CNOT6L: variants seen among roughly 807,000 people sequenced by gnomAD.
CNOT6L encodes CCR4-NOT transcription complex subunit 6-like.
In CNOT6L, 7 loss-of-function variants were observed where a neutral mutation model predicts 64.0. That is an observed-to-expected ratio of 0.11 (90% CI 0.06 to 0.21). The LOEUF is 0.21. Among genes scored for constraint, CNOT6L ranks in the 10% least tolerant of loss-of-function variants. CNOT6L has a pLI of 1.00. For missense variants in CNOT6L, 245 were observed against 669.0 expected, an observed-to-expected ratio of 0.37 and a Z score of 6.99; for synonymous variants, 193 against 243.4, an observed-to-expected ratio of 0.79 and a Z score of 1.93.
intron 6 of CNOT6L, among the ~76,000 whole-genome samples, chr4:77,746,980 A>G (rs1007104679): frequency 6.6e-6 from 1 of 151,892 alleles, no homozygotes; most frequent in Non-Finnish European, 1.5e-5. Flanking sequence ...AATATTTTGT[A>G]GTGTTATTAA....
chr4:77,795,146 A>G (rs1730688007), intron 1 of CNOT6L, among the ~76,000 whole-genome samples: 1 of 150,270 alleles, frequency 6.7e-6, no homozygotes, highest in African/African-American at 2.5e-5. Flanking sequence ...CAGCCTCCTG[A>G]GTAGCTGAGA....
chr4:77,763,580 A>G (rs1726483111), intron 4 of CNOT6L, among the ~76,000 whole-genome samples: 1 of 152,176 alleles, frequency 6.6e-6, no homozygotes, highest in Admixed American at 6.5e-5. Flanking sequence ...TAACAAAAAT[A>G]CAGAAAAAGC....
chr4:77,753,309 C>T (rs1461927760), intron 5 of CNOT6L, among the ~76,000 whole-genome samples: 1 of 151,508 alleles, frequency 6.6e-6, no homozygotes, highest in African/African-American at 2.4e-5. Context: ...ACTTTAATAT[C>T]ACAACTTGAC....
chr4:77,791,416 T>TA (rs572851261), intron 1 of CNOT6L, among the ~76,000 whole-genome samples: 47 of 147,646 alleles, frequency 3.2e-4, no homozygotes, highest in Admixed American at 1.1e-3. Flanking sequence ...TGTGTACGGT[T>TA]AAAAAAAAAA....
At chr4:77,819,782 G>C (rs1265191475), upstream of CNOT6L, among the ~76,000 whole-genome samples, 2 of 150,618 alleles carry the variant, frequency 1.3e-5, no homozygotes, top group Non-Finnish European at 3.0e-5. Flanking sequence ...GGCCGGGCCG[G>C]GCCGCCTGAC....
intron 9 of CNOT6L, among the ~76,000 whole-genome samples, chr4:77,730,145 GT>G (rs1722283946): frequency 1.3e-5 from 2 of 152,096 alleles, no homozygotes; most frequent in South Asian, 4.1e-4. Flanking sequence ...AATTTTCTAA[GT>G]CTACTAGTTT....
At chr4:77,730,011 T>C (rs1295369470) in intron 9 of CNOT6L, among the ~76,000 whole-genome samples, 1 of 152,124 alleles carries the variant, frequency 6.6e-6, no homozygotes, top group Non-Finnish European at 1.5e-5. Flanking sequence ...TCTCACTTTT[T>C]ACTTTACATA....
intron 8 of CNOT6L, among the ~76,000 whole-genome samples, chr4:77,739,210 C>A (rs1050240900): frequency 6.6e-6 from 1 of 151,998 alleles, no homozygotes; most frequent in Non-Finnish European, 1.5e-5. Flanking sequence ...TTTATTGTTG[C>A]GTATTCTGTA....
rs1728151604 is a variant in CNOT6L at position 77,776,400 on chromosome 4, A to AAG, written c.6-9_6-8insCT. On this transcript the variant is annotated splice_polypyrimidine_tract_variant and intron_variant, in intron 1 of 11. Coordinates refer to ENST00000504123, the MANE Select transcript of CNOT6L (RefSeq NM_144571.3). ...TTTGGCATCCCTATTAGTCTGTTTA[A>AAG]AAAAAAAAAGGAGGAGATCAATAAT... 3 of 1,541,372 alleles carry AAG rather than the reference A, an allele frequency of 1.9e-6. No individual in the cohort carries two copies. In the East Asian group the frequency reaches 6.8e-5, roughly 35 times the overall value.
upstream of CNOT6L, chr4:77,819,373 A>ACCCG: frequency 6.3e-7 from 1 of 1,581,574 alleles, no homozygotes; most frequent in Non-Finnish European, 8.6e-7. Flanking sequence ...ACACACACAA[A>ACCCG]CACGCGCGCG....
chr4:77,813,362 A>G (rs1005127640), intron 1 of CNOT6L, among the ~76,000 whole-genome samples: 1 of 152,198 alleles, frequency 6.6e-6, no homozygotes, highest in African/African-American at 2.4e-5. Flanking sequence ...ATTAGAAACA[A>G]GAAGTCATTA....
intron 7 of CNOT6L, among the ~76,000 whole-genome samples, chr4:77,743,994 AT>A (rs905515463): frequency 2.6e-5 from 4 of 152,234 alleles, no homozygotes; most frequent in Admixed American, 6.5e-5. Context: ...ATTTAAAAAA[AT>A]ATATATGTAT....
At chr4:77,796,984 G>A (rs773599229) in intron 1 of CNOT6L, among the ~76,000 whole-genome samples, 17 of 151,144 alleles carry the variant, frequency 1.1e-4, no homozygotes, top group Non-Finnish European at 2.4e-4. Context: ...TTGGGAGGCT[G>A]GGATGAGAGG....
rs1013790636 is a variant in CNOT6L at position 77,714,931 on chromosome 4, T to C, written c.*5500A>G. 6.6e-6 allele frequency: 1 copy of C among 152,574 alleles called. No individual in the cohort carries two copies. The allele number at this position is 152,574 out of a possible 1,614,324, so 9.5% of individuals were successfully genotyped here. A position where few individuals can be genotyped will look rare whatever the true frequency, so the allele number is the denominator to read the frequency against. On this transcript the variant is annotated 3_prime_UTR_variant, in exon 12 of 12. Transcript: ENST00000504123. ...TAAGAAGCAAAGCCATTGTTTGACA[T>C]CAATGCTGAACCAATTTTGTGACTT...
At chr4:77,790,144 G>A (rs1411926551) in intron 1 of CNOT6L, among the ~76,000 whole-genome samples, 2 of 151,956 alleles carry the variant, frequency 1.3e-5, no homozygotes, top group African/African-American at 4.8e-5. Flanking sequence ...GTGTCATTTA[G>A]TTGGACTCAT....
intron 5 of CNOT6L, among the ~76,000 whole-genome samples, chr4:77,750,000 A>G (rs1412503690): frequency 6.6e-6 from 1 of 152,226 alleles, no homozygotes; most frequent in Non-Finnish European, 1.5e-5. Flanking sequence ...CCATTTTAAG[A>G]AAGTCTATGC....
intron 8 of CNOT6L, among the ~76,000 whole-genome samples, chr4:77,736,821 A>C (rs1031832845): frequency 6.6e-6 from 1 of 151,052 alleles, no homozygotes; most frequent in Non-Finnish European, 1.5e-5. Context: ...CACATTTTTG[A>C]AAAAAAAACT....
chr4:77,770,851 G>A (rs1158549631), intron 4 of CNOT6L, among the ~76,000 whole-genome samples: 1 of 152,144 alleles, frequency 6.6e-6, no homozygotes, highest in Non-Finnish European at 1.5e-5. Context: ...AAAACTGAAT[G>A]AAGGACTAAG....
chr4:77,757,166 C>G (rs1437311315), intron 4 of CNOT6L, among the ~76,000 whole-genome samples: 1 of 152,042 alleles, frequency 6.6e-6, no homozygotes, highest in Non-Finnish European at 1.5e-5. Flanking sequence ...CATATATACA[C>G]ATATACATAA....
Sources: gnomAD v4.1 joint callset for allele counts (sites outside exome capture counted in the v4.1 genomes callset) on GRCh38, gnomAD v4.1.1 for gene constraint, MANE v1.5 for transcripts, NCBI Gene and HGNC (gene_info 2026-07-23, HGNC 2026-07-21) for gene names.